Variants in GRID1 observed in about 807,000 individuals in gnomAD.
GRID1 encodes the protein glutamate receptor ionotropic, delta-1.
A neutral mutation model predicts 98.0 loss-of-function variants in GRID1; 28 were observed. The ratio of observed to expected loss-of-function variants is 0.29; its 90% CI spans 0.21 to 0.39. GRID1 has a LOEUF of 0.39. Ranked by LOEUF, GRID1 falls within the 10% of genes least tolerant of loss-of-function variation. The pLI, the probability that GRID1 is intolerant of heterozygous loss-of-function variation, is 1.00. For missense variants in GRID1, 1,111 were observed against 1,340.5 expected (o/e 0.83, Z 2.67); for synonymous variants, 553 against 538.5 (o/e 1.03, Z -0.37).
chr10:86,187,469 T>C (rs1264019611), intron 3 of GRID1, among the ~76,000 whole-genome samples: 1 of 152,218 alleles, frequency 6.6e-6, no homozygotes, highest in African/African-American at 2.4e-5. Context: ...TAAATCATCA[T>C]CCAGTGCTGC....
intron 4 of GRID1, among the ~76,000 whole-genome samples, chr10:86,129,377 T>C (rs752764784): frequency 3.3e-5 from 5 of 152,162 alleles, no homozygotes; most frequent in Non-Finnish European, 7.3e-5. Context: ...CAGCACATAG[T>C]AGAAAAAAGC....
chr10:85,818,390 G>A (rs1398723148), intron 8 of GRID1, among the ~76,000 whole-genome samples: 2 of 152,174 alleles, frequency 1.3e-5, no homozygotes, highest in Non-Finnish European at 2.9e-5. Context: ...GTGCATACAT[G>A]AGTTAATACA....
chr10:86,168,236 A>G (rs954914411), intron 3 of GRID1, among the ~76,000 whole-genome samples: 3 of 152,196 alleles, frequency 2.0e-5, no homozygotes, highest in African/African-American at 7.2e-5. Context: ...CCTGACATTT[A>G]TGGGCTGTGT....
intron 12 of GRID1, among the ~76,000 whole-genome samples, chr10:85,660,902 ATAAGCTACC>A (rs1489482839): frequency 6.6e-6 from 1 of 152,092 alleles, no homozygotes; most frequent in Non-Finnish European, 1.5e-5. Flanking sequence ...GTGGCCGTGG[ATAAGCTACC>A]TAACCTCTCT....
rs60476270 is a variant in GRID1 at position 86,145,927 on chromosome 10, C to T, written c.521-6903G>A. Among the ~76,000 whole-genome samples the T allele has an allele frequency of 1.2e-3, 188 of 152,184 alleles. 1 individual carries two copies. The highest frequency in any genetic ancestry group is 4.3e-3 in the African/African-American group (177 of 41,520). On this transcript the variant is annotated intron_variant, in intron 3 of 15. Coordinates refer to ENST00000327946, the MANE Select transcript of GRID1 (RefSeq NM_017551.3). Reference sequence around the variant, plus strand: ...CCACGTAGCCGGTGGAGGCAAAGCCCTACTTGGTAAGGAACTGAAGTTGGG... The same window carrying T: ...CCACGTAGCCGGTGGAGGCAAAGCCTTACTTGGTAAGGAACTGAAGTTGGG...
rs565877171 is a variant in GRID1, at chr10:86,342,714, G to A, written c.235+21227C>T. On this transcript the variant is annotated intron_variant, in intron 2 of 15. Transcript: ENST00000327946. ...TCCCTGCCCAGGAGCAGCCTGAGTCGGGTAGCGAGCTACCCCCTCCATGGC... is the reference window on the plus strand; with the variant it reads ...TCCCTGCCCAGGAGCAGCCTGAGTCAGGTAGCGAGCTACCCCCTCCATGGC... Among the ~76,000 whole-genome samples the A allele has an allele frequency of 1.6e-4, 24 of 152,306 alleles. No homozygotes were observed. The South Asian group carries it at 3.7e-3, about 24-fold the overall frequency.
chr10:86,205,184 G>A (rs376001594), intron 3 of GRID1, among the ~76,000 whole-genome samples: 1 of 152,234 alleles, frequency 6.6e-6, no homozygotes, highest in African/African-American at 2.4e-5. Flanking sequence ...AGAGTATTTA[G>A]GCAAATGCAA....
chr10:86,109,311 T>A (rs1844441389), intron 4 of GRID1, among the ~76,000 whole-genome samples: 1 of 152,012 alleles, frequency 6.6e-6, no homozygotes, highest in Non-Finnish European at 1.5e-5. Flanking sequence ...AAACACTGAG[T>A]GTTCAGAAGA....
chr10:85,959,782 T>G lies in GRID1; in HGVS notation c.727-43543A>C, dbSNP rs564440203. 1.1e-4 allele frequency among the ~76,000 whole-genome samples: 17 copies of G among 152,360 alleles called. No homozygotes were observed. The East Asian group carries it at 3.3e-3, about 29-fold the overall frequency. On this transcript the variant is annotated intron_variant, in intron 4 of 15. Coordinates refer to ENST00000327946, the MANE Select transcript of GRID1 (RefSeq NM_017551.3). ...ATTTGTTTATCTATTCACCTGTCAA[T>G]GAACATTTGCATCATTTTCAGTTTT... is the stretch of plus-strand genomic sequence containing the variant.
intron 5 of GRID1, among the ~76,000 whole-genome samples, chr10:85,893,501 A>G (rs1281820670): frequency 1.3e-5 from 2 of 152,196 alleles, no homozygotes; most frequent in African/African-American, 4.8e-5. Flanking sequence ...ATCTAAAACA[A>G]AAACCTACCA....
chr10:86,279,709 T>C (rs990215745), intron 2 of GRID1, among the ~76,000 whole-genome samples: 4 of 152,230 alleles, frequency 2.6e-5, no homozygotes, highest in African/African-American at 7.2e-5. Context: ...GGATGTTCAC[T>C]GTCATCACTT....
At chr10:85,888,664 T>C (rs1841151780) in intron 5 of GRID1, among the ~76,000 whole-genome samples, 2 of 152,220 alleles carry the variant, frequency 1.3e-5, no homozygotes, top group Admixed American at 1.3e-4. Flanking sequence ...AGGTGGGCTG[T>C]CTGTGAGATT....
chr10:86,337,578 T>C (rs1848240903), intron 2 of GRID1, among the ~76,000 whole-genome samples: 1 of 152,088 alleles, frequency 6.6e-6, no homozygotes, highest in Non-Finnish European at 1.5e-5. Flanking sequence ...GAGGTCAATG[T>C]CTACAGCCAC....
chr10:85,794,209 C>T (rs1284800692), intron 8 of GRID1, among the ~76,000 whole-genome samples: 2 of 152,172 alleles, frequency 1.3e-5, no homozygotes, highest in Non-Finnish European at 2.9e-5. Context: ...AGCCTCTACC[C>T]AGCCTGCCAT....
At chr10:85,772,520 T>C (rs1250896870) in intron 8 of GRID1, among the ~76,000 whole-genome samples, 1 of 151,686 alleles carries the variant, frequency 6.6e-6, no homozygotes, top group Non-Finnish European at 1.5e-5. Flanking sequence ...TTCAAAAAAT[T>C]AATGAATCCA....
intron 2 of GRID1, among the ~76,000 whole-genome samples, chr10:86,313,805 C>T (rs1847863466): frequency 6.6e-6 from 1 of 152,218 alleles, no homozygotes; most frequent in African/African-American, 2.4e-5. Context: ...CCCCAGCCCC[C>T]AGACTGGCGC....
chr10:85,882,817 T>C (rs1350070968), intron 5 of GRID1, among the ~76,000 whole-genome samples: 4 of 152,106 alleles, frequency 2.6e-5, no homozygotes, highest in East Asian at 1.9e-4. Flanking sequence ...GTCATTCCCT[T>C]GTAGATGATA....
intron 8 of GRID1, among the ~76,000 whole-genome samples, chr10:85,748,640 TATTAAC>T (rs1327056055): frequency 6.6e-6 from 1 of 152,184 alleles, no homozygotes; most frequent in Non-Finnish European, 1.5e-5. Flanking sequence ...TTAGAACACA[TATTAAC>T]ATTGATAGCA....
chr10:86,091,148 G>A (rs994300862), intron 4 of GRID1, among the ~76,000 whole-genome samples: 19 of 152,134 alleles, frequency 1.2e-4, no homozygotes, highest in Admixed American at 5.2e-4. Context: ...CCAGAACTTG[G>A]GGAAGGGCAC....
Sources: gnomAD v4.1 joint callset for allele counts (sites outside exome capture counted in the v4.1 genomes callset) on GRCh38, gnomAD v4.1.1 for gene constraint, MANE v1.5 for transcripts, NCBI Gene and HGNC (gene_info 2026-07-23, HGNC 2026-07-21) for gene names.